DLC1: variants seen among roughly 807,000 people sequenced by gnomAD.
DLC1 encodes DLC1 Rho GTPase activating protein.
Under a neutral mutation model 140.3 loss-of-function variants are expected in DLC1, and 54 were observed. The ratio of observed to expected loss-of-function variants is 0.38; its 90% confidence interval spans 0.31 to 0.48. DLC1 has a LOEUF of 0.48. Among genes scored for constraint, DLC1 ranks in the 20% least tolerant of loss-of-function variants. The pLI is 0.96. For missense variants in DLC1, 2,536 were observed against 1,907.0 expected (o/e 1.33, Z -6.14); for synonymous variants, 986 against 728.1 (o/e 1.35, Z -5.70).
At chr8:13,380,098 C>T (rs1006254036) in intron 4 of DLC1, among the ~76,000 whole-genome samples, 1 of 152,152 alleles carries the variant, frequency 6.6e-6, no homozygotes, top group Non-Finnish European at 1.5e-5. Flanking sequence ...CTCACCACCA[C>T]TCCCATAAAA....
chr8:13,318,571 C>G (rs1240177732), intron 4 of DLC1, among the ~76,000 whole-genome samples: 2 of 152,086 alleles, frequency 1.3e-5, no homozygotes, highest in East Asian at 3.9e-4. Context: ...TATCCTTTAC[C>G]ATAGATAACA....
At chr8:13,373,787 C>T (rs867248450) in intron 4 of DLC1, among the ~76,000 whole-genome samples, 3 of 152,042 alleles carry the variant, frequency 2.0e-5, no homozygotes, top group Non-Finnish European at 4.4e-5. Context: ...TTAAAAGAGG[C>T]TAGTTCAATT....
chr8:13,526,764 G>A (rs931805547), intron 1 of DLC1, among the ~76,000 whole-genome samples: 1 of 152,020 alleles, frequency 6.6e-6, no homozygotes, highest in African/African-American at 2.4e-5. Context: ...ACACACCAGG[G>A]CCTGCCAGGG....
intron 2 of DLC1, among the ~76,000 whole-genome samples, chr8:13,441,177 C>A (rs942056530): frequency 6.6e-6 from 1 of 152,188 alleles, no homozygotes; most frequent in Admixed American, 6.5e-5. Flanking sequence ...GCTAAAAACT[C>A]TCAATAAATT....
intron 2 of DLC1, among the ~76,000 whole-genome samples, chr8:13,410,227 C>T (rs948207984): frequency 6.6e-6 from 1 of 151,942 alleles, no homozygotes; most frequent in Admixed American, 6.6e-5. Flanking sequence ...ACTTAGAAGG[C>T]AATGCTCTTC....
At position 13,276,557 on chromosome 8, in the gene DLC1, T is replaced by A. The variant is rs1586057089; in HGVS notation, c.1348+28712A>T. On this transcript the variant is annotated intron_variant, in intron 5 of 17. Transcript: ENST00000276297. ...CGGGAAGCGCCAACTGCAGGCGGCC[T>A]CCTGGCCCGCGGCCAAGCGCGCGCG... 6 of 1,275,328 alleles carry A rather than the reference T, an allele frequency of 4.7e-6. 1 individual carries two copies. In the African/African-American group the frequency reaches 6.2e-5, roughly 13 times the overall value. 79.0% of individuals were successfully genotyped at this position (1,275,328 alleles called of 1,614,324 possible).
chr8:13,594,336 G>A (rs369469462), intron 1 of DLC1, among the ~76,000 whole-genome samples: 2 of 151,932 alleles, frequency 1.3e-5, no homozygotes, highest in African/African-American at 4.8e-5. Context: ...AGCCTACTTC[G>A]CTCTGTATCA....
At chr8:13,357,667 T>G (rs149288930) in intron 4 of DLC1, among the ~76,000 whole-genome samples, 111 of 152,376 alleles carry the variant, frequency 7.3e-4, no homozygotes, top group Non-Finnish European at 1.1e-3. Flanking sequence ...TGGTGAATTC[T>G]CTTTTCATGA....
At chr8:13,123,096 T>A (rs1585695103) in intron 5 of DLC1, among the ~76,000 whole-genome samples, 1 of 152,316 alleles carries the variant, frequency 6.6e-6, no homozygotes, top group African/African-American at 2.4e-5. Flanking sequence ...ATGAGGACCC[T>A]CTATCCTCCA....
At chr8:13,481,342 A>G (rs1800727015) in intron 2 of DLC1, among the ~76,000 whole-genome samples, 2 of 152,114 alleles carry the variant, frequency 1.3e-5, no homozygotes, top group Admixed American at 1.3e-4. Flanking sequence ...TGGGAGAATC[A>G]CCTGAGTCTG....
intron 5 of DLC1, among the ~76,000 whole-genome samples, chr8:13,264,773 A>C (rs1289472701): frequency 6.6e-6 from 1 of 152,226 alleles, no homozygotes; most frequent in Non-Finnish European, 1.5e-5. Context: ...TTTTGAGAAA[A>C]GATTTTTGGG....
chr8:13,198,203 A>G (rs1224356163), intron 5 of DLC1, among the ~76,000 whole-genome samples: 18 of 152,216 alleles, frequency 1.2e-4, no homozygotes, highest in Admixed American at 1.2e-3. Flanking sequence ...ATCTGGGCTA[A>G]TAATTAAATT....
At chr8:13,160,955 C>A (rs1824644668) in intron 5 of DLC1, among the ~76,000 whole-genome samples, 1 of 152,126 alleles carries the variant, frequency 6.6e-6, no homozygotes, top group South Asian at 2.1e-4. Flanking sequence ...GTGGCGGGTA[C>A]CTGTATTCCC....
intron 1 of DLC1, among the ~76,000 whole-genome samples, chr8:13,593,116 C>G (rs1182178161): frequency 1.3e-5 from 2 of 152,072 alleles, no homozygotes; most frequent in South Asian, 4.1e-4. Context: ...TCACCTCACC[C>G]CACCCAATCT....
At chr8:13,541,735 G>C (rs1054189483) in intron 1 of DLC1, among the ~76,000 whole-genome samples, 2 of 152,118 alleles carry the variant, frequency 1.3e-5, no homozygotes, top group Non-Finnish European at 2.9e-5. Context: ...ATTTTTAGTA[G>C]AGATGGGGTT....
At chr8:13,559,061 G>T (rs964301133) in intron 1 of DLC1, 1 of 152,210 alleles carries the variant, frequency 6.6e-6, no homozygotes, top group Non-Finnish European at 1.5e-5. Flanking sequence ...GCTACAGAAA[G>T]GACAAGCAAC....
intron 5 of DLC1, among the ~76,000 whole-genome samples, chr8:13,185,681 C>G (rs1418351518): frequency 6.6e-6 from 1 of 152,076 alleles, no homozygotes; most frequent in African/African-American, 2.4e-5. Context: ...GAACTTGATC[C>G]TGTCATTATG....
chr8:13,397,487 G>C (rs939242312), intron 3 of DLC1, among the ~76,000 whole-genome samples: 1 of 151,978 alleles, frequency 6.6e-6, no homozygotes, highest in Non-Finnish European at 1.5e-5. Flanking sequence ...GAATTTGTCA[G>C]ACAAGAGAAG....
intron 4 of DLC1, among the ~76,000 whole-genome samples, chr8:13,368,902 C>T (rs907877554): frequency 1.3e-5 from 2 of 152,122 alleles, no homozygotes; most frequent in African/African-American, 2.4e-5. Flanking sequence ...TGGCTCACTG[C>T]CACCTCTGCC....
Sources: gnomAD v4.1 joint callset for allele counts (sites outside exome capture counted in the v4.1 genomes callset) on GRCh38, gnomAD v4.1.1 for gene constraint, MANE v1.5 for transcripts, NCBI Gene and HGNC (gene_info 2026-07-23, HGNC 2026-07-21) for gene names.